TEKT3: variants seen among roughly 807,000 people sequenced by gnomAD.
The protein encoded by TEKT3 is tektin 3.
In TEKT3, 49 loss-of-function variants were observed where a neutral mutation model predicts 49.8. The observed-to-expected ratio is 0.98, with a 90% CI of 0.78 to 1.25. The LOEUF (loss-of-function observed/expected upper bound fraction) is 1.25. Among genes scored for constraint, TEKT3 ranks in the 50% most tolerant of loss-of-function variants. The pLI is 0.00. For synonymous variants in TEKT3, 225 were observed against 237.2 expected (o/e 0.95, Z 0.47); for missense variants, 595 against 629.5 (o/e 0.95, Z 0.59).
chr17:15,328,083 T>G lies in TEKT3; in HGVS notation c.580-8A>C. On this transcript the variant is annotated splice_region_variant and splice_polypyrimidine_tract_variant and intron_variant, in intron 3 of 8. Coordinates refer to ENST00000395930, the MANE Select transcript of TEKT3 (RefSeq NM_031898.3). The stretch of plus-strand genomic sequence containing the variant: ...TAGACATTCTCGGGCTACCTACAGA[T>G]ACACAGATAATGGAAAGCACTAATA... 1 of 1,611,414 alleles carries G rather than the reference T, an allele frequency of 6.2e-7. No individual in the cohort carries two copies. The highest frequency in any genetic ancestry group is 8.5e-7 in the Non-Finnish European group (1 of 1,177,682).
intron 5 of TEKT3, among the ~76,000 whole-genome samples, chr17:15,317,892 G>C (rs1183087115): frequency 6.6e-6 from 1 of 151,634 alleles, no homozygotes; most frequent in Non-Finnish European, 1.5e-5. Flanking sequence ...GTGTATTCTA[G>C]TGAGGAATAG....
At position 15,331,515 on chromosome 17, in the gene TEKT3, G is replaced by A; in HGVS notation, c.71C>T (p.Pro24Leu). The change falls in exon 3 of 9, where the codon CCA becomes CTA. Residue 24 changes from proline (P) to leucine (L), a missense_variant. Pro to Leu is a moderately conservative substitution (Grantham distance 98). Transcript: ENST00000395930. ...GCTTGAGGCCATGGTACTGATGGCT[G>A]GTAGAAAGTTGGTTGGTGTTGGTCT... The part of the protein sequence containing the change: ...HPRPTPTNFL[P>L]AISTMASSYR... The A allele has an allele frequency of 6.2e-7, 1 of 1,614,132 alleles. No homozygotes were observed. Among genetic ancestry groups the A allele is most frequent in the Non-Finnish European group, 8.5e-7 (1 of 1,180,018 alleles).
Position 15,303,977 on chromosome 17 carries a change from T to A in TEKT3, c.1432A>T (p.Lys478Ter), listed in dbSNP as rs1255183952. Residue 478 changes from lysine to a stop codon, truncating the protein, a stop_gained, in exon 9 of 9, where the codon AAG (lysine) becomes TAG (stop). Transcript: ENST00000395930. LOFTEE classifies it high-confidence loss of function. ...AGCCGGAGGGTGTTGGGGTAGCTCT[T>A]GCGCATGCTCATGCATTTTTCCTGG... is the stretch of plus-strand genomic sequence containing the variant. ...IDQEKCMSMR[K>*]SYPNTLRLVG... is the part of the protein sequence containing the mutation. 24 of 1,614,108 alleles carry A rather than the reference T, an allele frequency of 1.5e-5. No homozygotes were observed. Among genetic ancestry groups the A allele is most frequent in the Non-Finnish European group, 2.0e-5 (24 of 1,180,022 alleles).
chr17:15,316,975 G>C (rs1054404111), intron 5 of TEKT3, among the ~76,000 whole-genome samples: 1 of 152,116 alleles, frequency 6.6e-6, no homozygotes, highest in East Asian at 1.9e-4. Context: ...CCCTGTTAGT[G>C]CCTAATGAGA....
intron 4 of TEKT3, among the ~76,000 whole-genome samples, chr17:15,323,987 T>G (rs771911781): frequency 3.9e-5 from 6 of 152,154 alleles, no homozygotes; most frequent in Admixed American, 6.5e-5. Flanking sequence ...AGTTTGATGG[T>G]TTTTAGTACA....
upstream of TEKT3, chr17:15,341,742 G>T (rs1411553709): frequency 1.3e-5 from 2 of 152,272 alleles, no homozygotes; most frequent in East Asian, 1.9e-4. Flanking sequence ...AGGCCAGGAG[G>T]GAAACCCGTC....
At chr17:15,324,952 G>GC (rs1308896262) in intron 4 of TEKT3, among the ~76,000 whole-genome samples, 1 of 79,614 alleles carries the variant, frequency 1.3e-5, no homozygotes, top group Non-Finnish European at 2.3e-5. Context: ...TATTTTGTAT[G>GC]TTTGATTTGG....
At chr17:15,316,684 T>A (rs1007792938) in intron 5 of TEKT3, among the ~76,000 whole-genome samples, 3 of 152,232 alleles carry the variant, frequency 2.0e-5, no homozygotes, top group Non-Finnish European at 4.4e-5. Flanking sequence ...CTGGTTCAAA[T>A]GTCTTTGCTG....
chr17:15,309,244 C>T (rs1008228347), intron 7 of TEKT3, among the ~76,000 whole-genome samples: 3 of 152,182 alleles, frequency 2.0e-5, no homozygotes, highest in Admixed American at 6.5e-5. Context: ...TCCCTCCTCA[C>T]ATCCATATAT....
chr17:15,311,364 A>G (rs1402456272), intron 7 of TEKT3: 1 of 152,220 alleles, frequency 6.6e-6, no homozygotes, highest in Non-Finnish European at 1.5e-5. Context: ...TCAGCAGCAC[A>G]TATACTAAAA....
At chr17:15,318,856 C>T (rs1911131228) in intron 5 of TEKT3, among the ~76,000 whole-genome samples, 1 of 152,136 alleles carries the variant, frequency 6.6e-6, no homozygotes, top group Non-Finnish European at 1.5e-5. Flanking sequence ...TGGGTATATA[C>T]ATTTATGGGG....
In TEKT3 at chr17:15,326,212, G is replaced by A. The variant is rs115129414; in HGVS notation, c.663+1780C>T. On this transcript the variant is annotated intron_variant, in intron 4 of 8. Coordinates refer to ENST00000395930, the MANE Select transcript of TEKT3 (RefSeq NM_031898.3). The stretch of plus-strand genomic sequence containing the variant: ...ACTCTGAGGACTCGGCTGCTACCTT[G>A]TCATACTTACTTTCCTACCAAGGAC... 6.5e-3 allele frequency among the ~76,000 whole-genome samples: 986 copies of A among 152,268 alleles called. 10 individuals carry two copies. Among genetic ancestry groups the A allele is most frequent in the African/African-American group, 0.022 (911 of 41,542 alleles).
At chr17:15,313,994 T>G (rs1910882523) in intron 6 of TEKT3, 93 bp downstream of exon 6, 1 of 1,567,686 alleles carries the variant, frequency 6.4e-7, no homozygotes, top group South Asian at 1.2e-5. Context: ...TATCTTACCT[T>G]GCTTTCCATT....
chr17:15,336,199 A>G (rs2150754430), intron 2 of TEKT3, among the ~76,000 whole-genome samples: 2 of 152,232 alleles, frequency 1.3e-5, no homozygotes, highest in South Asian at 4.1e-4. Flanking sequence ...AAAACCAGGG[A>G]TAGAGAGAAA....
chr17:15,327,155 TG>T (rs1254207455), intron 4 of TEKT3, among the ~76,000 whole-genome samples: 3 of 137,660 alleles, frequency 2.2e-5, no homozygotes, highest in East Asian at 2.1e-4. Flanking sequence ...GATGATTGAT[TG>T]AAAAAAAAAA....
intron 8 of TEKT3, among the ~76,000 whole-genome samples, chr17:15,305,651 AG>A (rs1224533320): frequency 6.6e-6 from 1 of 152,124 alleles, no homozygotes. Flanking sequence ...TGGCTTCAAC[AG>A]GAACCCTGAA....
Position 15,321,137 on chromosome 17 carries a change from G to A in TEKT3, c.664-1990C>T, listed in dbSNP as rs1597410961. The stretch of plus-strand genomic sequence containing the variant: ...CCATTCTCCTGCCTCAGCTTCCTGA[G>A]TAGCTGGGACTACAGGCGCCCACCA... On this transcript the variant is annotated intron_variant, in intron 4 of 8. Coordinates refer to ENST00000395930, the MANE Select transcript of TEKT3 (RefSeq NM_031898.3). 3.3e-5 allele frequency among the ~76,000 whole-genome samples: 5 copies of A among 151,906 alleles called. No homozygotes were observed. In the South Asian group the frequency reaches 1.0e-3, roughly 32 times the overall value.
chr17:15,304,845 T>C lies in TEKT3; in HGVS notation c.1257-693A>G, dbSNP rs1475946068. Among the ~76,000 whole-genome samples, 1 of 152,112 alleles carries C rather than the reference T, an allele frequency of 6.6e-6. No homozygotes were observed. Among genetic ancestry groups the C allele is most frequent in the Admixed American group, 6.5e-5 (1 of 15,274 alleles). ...TTCTTCATCCCGCTAATTTATCCCA[T>C]CCTCAAATCCTAGGTGAATTAACAC... On this transcript the variant is annotated intron_variant, in intron 8 of 8. Transcript: ENST00000395930. The surrounding 1 kb of genome is among the most constrained non-coding windows in gnomAD (Gnocchi z 4.7).
intron 4 of TEKT3, among the ~76,000 whole-genome samples, chr17:15,323,298 T>C (rs1287979118): frequency 1.3e-5 from 2 of 152,202 alleles, no homozygotes; most frequent in Non-Finnish European, 2.9e-5. Flanking sequence ...AGGAAAAGCC[T>C]CTTGTGGGAA....
Sources: gnomAD v4.1 joint callset for allele counts (sites outside exome capture counted in the v4.1 genomes callset) on GRCh38, gnomAD v4.1.1 for gene constraint, Gnocchi (gnomAD v3.1) non-coding constraint, MANE v1.5 for transcripts, NCBI Gene and HGNC (gene_info 2026-07-23, HGNC 2026-07-21) for gene names.